MIPOL1: variants seen among roughly 807,000 people sequenced by gnomAD.
MIPOL1 encodes mirror-image polydactyly 1.
In MIPOL1, 57 loss-of-function variants were observed where a neutral mutation model predicts 60.9. That is an observed-to-expected ratio of 0.94 (90% CI 0.76 to 1.17). The LOEUF (loss-of-function observed/expected upper bound fraction) is 1.17. Among genes scored for constraint, MIPOL1 ranks in the 50% most tolerant of loss-of-function variants. The pLI is 0.00. For synonymous variants in MIPOL1, 179 were observed against 168.8 expected (o/e 1.06, Z -0.47); for missense variants, 551 against 511.6 (o/e 1.08, Z -0.74).
rs546768779 is a variant in MIPOL1 at position 37,373,157 on chromosome 14, C to A, written c.936+3533C>A. Among the ~76,000 whole-genome samples, 21 of 152,172 alleles carry A rather than the reference C, an allele frequency of 1.4e-4. No individual in the cohort carries two copies. The South Asian group carries it at 2.3e-3, about 17-fold the overall frequency. ...TAGCTGAGATTACAGGCATGCACCA[C>A]CACGCTGGCTAATTTTTGTATTTTT... is the stretch of plus-strand genomic sequence containing the variant. On this transcript the variant is annotated intron_variant, in intron 10 of 12. Transcript: ENST00000684589.
chr14:37,276,999 A>G (rs926006558), intron 6 of MIPOL1: 1 of 151,122 alleles, frequency 6.6e-6, no homozygotes, highest in African/African-American at 2.4e-5. Flanking sequence ...AATATAACCA[A>G]TTTGTATCCT....
chr14:37,351,388 T>G (rs1197657575), intron 9 of MIPOL1, among the ~76,000 whole-genome samples: 136 of 148,932 alleles, frequency 9.1e-4, no homozygotes, highest in Non-Finnish European at 1.4e-3. Context: ...TGTGTCTTTA[T>G]AGCAGCATGA....
At chr14:37,335,778 TG>T (rs1411418679) in intron 9 of MIPOL1, among the ~76,000 whole-genome samples, 1 of 152,102 alleles carries the variant, frequency 6.6e-6, no homozygotes, top group Admixed American at 6.6e-5. Flanking sequence ...AAGCTGGATT[TG>T]TTATTGTTTG....
chr14:37,437,135 T>A (rs1342101011), intron 11 of MIPOL1, among the ~76,000 whole-genome samples: 3 of 152,180 alleles, frequency 2.0e-5, no homozygotes, highest in Non-Finnish European at 4.4e-5. Flanking sequence ...TCTTTAGGCT[T>A]AAAAGGGTTT....
chr14:37,221,674 C>G (rs1053313368), intron 1 of MIPOL1, among the ~76,000 whole-genome samples: 3 of 152,090 alleles, frequency 2.0e-5, no homozygotes, highest in South Asian at 2.1e-4. Context: ...AACCAGATCT[C>G]GTGAGAACTC....
At chr14:37,349,508 C>G (rs1226045498) in intron 9 of MIPOL1, among the ~76,000 whole-genome samples, 1 of 152,196 alleles carries the variant, frequency 6.6e-6, no homozygotes, top group Non-Finnish European at 1.5e-5. Context: ...CTTGCCATTA[C>G]TCAAATATGC....
At chr14:37,538,948 A>C (rs2095518392) in intron 12 of MIPOL1, among the ~76,000 whole-genome samples, 2 of 152,180 alleles carry the variant, frequency 1.3e-5, no homozygotes, top group Admixed American at 1.3e-4. Flanking sequence ...CACACCTGTA[A>C]TCCCAGCACT....
chr14:37,262,614 A>T (rs1426506019), intron 3 of MIPOL1, among the ~76,000 whole-genome samples: 1 of 152,208 alleles, frequency 6.6e-6, no homozygotes, highest in Non-Finnish European at 1.5e-5. Context: ...GGAGCACATT[A>T]ACAAACTGCC....
intron 12 of MIPOL1, among the ~76,000 whole-genome samples, chr14:37,524,731 T>C (rs567844249): frequency 2.6e-5 from 4 of 151,686 alleles, no homozygotes; most frequent in Admixed American, 1.3e-4. Flanking sequence ...CACACCTGGC[T>C]AATTTTTTTT....
Position 37,422,906 on chromosome 14 carries a change from A to G in MIPOL1, c.988A>G (p.Lys330Glu), listed in dbSNP as rs1566576635. ...QARETAVQQY[K>E]KLEEEIQTLR... The stretch of plus-strand genomic sequence containing the variant: ...CAGAGAAACTGCAGTTCAACAGTAC[A>G]AAAAACTGGAAGAGGAAATCCAGAC... Residue 330 changes from lysine (K) to glutamate (E), a missense_variant, in exon 11 of 13, where the codon AAA (lysine) becomes GAA (glutamate). Transcript: ENST00000684589. 6.2e-7 allele frequency: 1 copy of G among 1,609,504 alleles called. No individual in the cohort carries two copies. The highest frequency in any genetic ancestry group is 1.3e-5 in the African/African-American group (1 of 74,810).
chr14:37,427,487 A>C (rs1280084838), intron 11 of MIPOL1, among the ~76,000 whole-genome samples: 2 of 152,172 alleles, frequency 1.3e-5, no homozygotes, highest in Non-Finnish European at 2.9e-5. Flanking sequence ...TGTGGAAATG[A>C]ATAATGGTGA....
At chr14:37,415,501 C>T (rs1458731674) in intron 10 of MIPOL1, among the ~76,000 whole-genome samples, 8 of 151,332 alleles carry the variant, frequency 5.3e-5, no homozygotes, top group Admixed American at 2.0e-4. Context: ...TGGTGGCGGG[C>T]GCCTGTAGTC....
intron 9 of MIPOL1, among the ~76,000 whole-genome samples, chr14:37,365,610 A>C (rs1383725675): frequency 6.6e-6 from 1 of 151,728 alleles, no homozygotes. Context: ...CACGTTTGCT[A>C]GTATTTTGTT....
intron 1 of MIPOL1, among the ~76,000 whole-genome samples, chr14:37,211,073 A>C (rs907784531): frequency 6.6e-6 from 1 of 152,182 alleles, no homozygotes; most frequent in East Asian, 1.9e-4. Flanking sequence ...GATTTCCTTC[A>C]CTGTCATAAT....
At chr14:37,487,265 A>G (rs1467449859) in intron 11 of MIPOL1, among the ~76,000 whole-genome samples, 1 of 152,110 alleles carries the variant, frequency 6.6e-6, no homozygotes, top group Non-Finnish European at 1.5e-5. Flanking sequence ...TTTTGCATCA[A>G]TGTTTATCAA....
At chr14:37,505,664 A>G (rs2095268504) in intron 12 of MIPOL1, 1 of 152,244 alleles carries the variant, frequency 6.6e-6, no homozygotes, top group Admixed American at 6.5e-5. Flanking sequence ...TGAATGGGCA[A>G]AAACTGGAAG....
intron 10 of MIPOL1, among the ~76,000 whole-genome samples, chr14:37,417,134 C>T (rs923610439): frequency 3.3e-5 from 5 of 152,034 alleles, no homozygotes; most frequent in Non-Finnish European, 7.4e-5. Context: ...GGGTGGGACC[C>T]CAGCCTTTCT....
intron 12 of MIPOL1, chr14:37,506,736 A>T (rs1022853661): frequency 7.7e-4 from 118 of 152,280 alleles, no homozygotes; most frequent in African/African-American, 2.7e-3. Flanking sequence ...CAAAAACCAA[A>T]ATTGACAAAT....
At chr14:37,248,470 A>G (rs1040579956) in intron 3 of MIPOL1, among the ~76,000 whole-genome samples, 3 of 151,940 alleles carry the variant, frequency 2.0e-5, no homozygotes, top group Non-Finnish European at 4.4e-5. Context: ...GGGACAGAGA[A>G]AAAAAAGAGA....
Sources: allele counts gnomAD v4.1 joint callset (sites outside exome capture counted in the v4.1 genomes callset), GRCh38; gene constraint gnomAD v4.1.1; transcripts MANE v1.5; gene names NCBI Gene and HGNC (gene_info 2026-07-23, HGNC 2026-07-21).